Variants in PRKG1 observed in about 807,000 individuals in gnomAD.
PRKG1 encodes the protein protein kinase cGMP-dependent 1, also known as cGMP-dependent protein kinase 1.
In PRKG1, 35 loss-of-function variants were observed where a neutral mutation model predicts 88.1. The ratio of observed to expected loss-of-function variants is 0.40; its 90% CI spans 0.30 to 0.53. The LOEUF (loss-of-function observed/expected upper bound fraction) is 0.53, where lower values mean the gene tolerates loss of function less well. Among genes scored for constraint, PRKG1 ranks in the 20% least tolerant of loss-of-function variants. PRKG1 has a pLI of 0.59. For synonymous variants in PRKG1, 303 were observed against 292.5 expected (o/e 1.04, Z -0.37); for missense variants, 540 against 839.8 (o/e 0.64, Z 4.41).
intron 2 of PRKG1, among the ~76,000 whole-genome samples, chr10:51,307,855 C>T (rs1189050132): frequency 7.9e-5 from 12 of 152,106 alleles, no homozygotes; most frequent in Non-Finnish European, 2.9e-5. Flanking sequence ...TTAATATAGC[C>T]TCAAGGAAAG....
chr10:51,484,400 C>G (rs966348557), intron 3 of PRKG1, among the ~76,000 whole-genome samples: 1 of 151,990 alleles, frequency 6.6e-6, no homozygotes, highest in African/African-American at 2.4e-5. Flanking sequence ...AAATTTTGAT[C>G]TATGTATTTA....
chr10:51,505,551 A>G (rs1474714662), intron 3 of PRKG1, among the ~76,000 whole-genome samples: 1 of 152,170 alleles, frequency 6.6e-6, no homozygotes, highest in Non-Finnish European at 1.5e-5. Flanking sequence ...GAATGGTACC[A>G]GCTCCTGCTT....
chr10:51,691,308 CTTT>C (rs750337206), intron 3 of PRKG1, among the ~76,000 whole-genome samples: 1 of 134,906 alleles, frequency 7.4e-6, no homozygotes, highest in Non-Finnish European at 1.6e-5. Flanking sequence ...TTCTTTTTAT[CTTT>C]TTTTTTTTTT....
At chr10:51,879,114 G>A (rs1211178001) in intron 4 of PRKG1, among the ~76,000 whole-genome samples, 1 of 151,222 alleles carries the variant, frequency 6.6e-6, no homozygotes, top group Non-Finnish European at 1.5e-5. Context: ...GCATCAACAT[G>A]TATTTGCTTG....
At chr10:51,153,057 G>T in intron 1 of PRKG1, 107 bp from the exon 2 acceptor site, 3 of 683,436 alleles carry the variant, frequency 4.4e-6, no homozygotes, top group Non-Finnish European at 4.0e-6. Context: ...TTCCTAACAA[G>T]AAAATACATT....
chr10:51,819,259 CT>C (rs1839681120), intron 4 of PRKG1, among the ~76,000 whole-genome samples: 1 of 150,748 alleles, frequency 6.6e-6, no homozygotes, highest in Admixed American at 6.6e-5. Context: ...CTTTTTTTTT[CT>C]TTTTTAGCAA....
At position 51,741,781 on chromosome 10, in the gene PRKG1, A is replaced by G. The variant is rs544018281; in HGVS notation, c.593-62804A>G. On this transcript the variant is annotated intron_variant, in intron 3 of 17. Transcript: ENST00000373980. The stretch of plus-strand genomic sequence containing the variant: ...TACGGTAAAAAATAAGGTTCTTCGC[A>G]TTTACCTGTAACCCCAGAGTTTTCA... Among the ~76,000 whole-genome samples, 35 of 152,200 alleles carry G rather than the reference A, an allele frequency of 2.3e-4. 1 individual carries two copies. The South Asian group carries it at 6.6e-3, about 29-fold the overall frequency.
At chr10:51,452,925 AT>A (rs1017637965) in intron 2 of PRKG1, among the ~76,000 whole-genome samples, 39 of 151,750 alleles carry the variant, frequency 2.6e-4, no homozygotes, top group East Asian at 1.5e-3. Context: ...TATTTCTACA[AT>A]TTTTTTTGTT....
At chr10:51,866,599 A>G (rs565211379) in intron 4 of PRKG1, among the ~76,000 whole-genome samples, 55 of 152,306 alleles carry the variant, frequency 3.6e-4, no homozygotes, top group Middle Eastern at 3.4e-3. Context: ...CAATTTACCA[A>G]TGGAGAAGTT....
chr10:52,222,689 G>T (rs941460480), intron 9 of PRKG1, among the ~76,000 whole-genome samples: 17 of 152,170 alleles, frequency 1.1e-4, no homozygotes, highest in African/African-American at 4.1e-4. Context: ...GTTTTCCCCT[G>T]GGGGATGTAG....
At chr10:51,195,361 C>T (rs1182838502) in intron 2 of PRKG1, among the ~76,000 whole-genome samples, 1 of 152,134 alleles carries the variant, frequency 6.6e-6, no homozygotes, top group Non-Finnish European at 1.5e-5. Context: ...GTTCAAACGT[C>T]AGTTTTCAAT....
chr10:51,822,815 G>A (rs1373938601), intron 4 of PRKG1, among the ~76,000 whole-genome samples: 2 of 152,156 alleles, frequency 1.3e-5, no homozygotes, highest in Non-Finnish European at 2.9e-5. Context: ...ACAACTTTAA[G>A]ATGTATGTGC....
chr10:51,792,371 A>G (rs1315804273), intron 3 of PRKG1, among the ~76,000 whole-genome samples: 1 of 151,882 alleles, frequency 6.6e-6, no homozygotes, highest in Non-Finnish European at 1.5e-5. Context: ...CCTTTGCCTC[A>G]TGCCAGGGTT....
chr10:51,172,628 G>C (rs769352866), intron 2 of PRKG1, among the ~76,000 whole-genome samples: 8,252 of 67,668 alleles, frequency 0.12, 438 homozygotes, highest in African/African-American at 0.27. Context: ...ATGTATGTAT[G>C]TATGTATGTA....
chr10:52,099,055 G>T (rs2132562283), intron 7 of PRKG1, among the ~76,000 whole-genome samples: 1 of 152,286 alleles, frequency 6.6e-6, no homozygotes, highest in South Asian at 2.1e-4. Context: ...AACAATTTTA[G>T]TAAGGGATGA....
At chr10:51,915,368 T>C (rs6480587) in intron 5 of PRKG1, among the ~76,000 whole-genome samples, 135,982 of 152,314 alleles carry the variant, frequency 0.89, 61,016 homozygotes, top group East Asian at 1. Context: ...TCTTGCCATT[T>C]AAAGCCAAGC....
chr10:51,884,518 T>G (rs1033429197), intron 4 of PRKG1, among the ~76,000 whole-genome samples: 73 of 136,628 alleles, frequency 5.3e-4, no homozygotes, highest in Non-Finnish European at 9.2e-4. Flanking sequence ...GCCACAGAGG[T>G]TGTTTTGTGT....
At chr10:51,023,851 A>G (rs1453987488) in intron 1 of PRKG1, among the ~76,000 whole-genome samples, 1 of 152,216 alleles carries the variant, frequency 6.6e-6, no homozygotes, top group Non-Finnish European at 1.5e-5. Context: ...CATAACACAA[A>G]AACAATGTTC....
chr10:51,996,221 A>T (rs1284132844), intron 5 of PRKG1, among the ~76,000 whole-genome samples: 2 of 148,596 alleles, frequency 1.3e-5, no homozygotes, highest in African/African-American at 4.9e-5. Context: ...AGGCTTTGAC[A>T]GGAGAATCGC....
Sources: gnomAD v4.1 joint callset for allele counts (sites outside exome capture counted in the v4.1 genomes callset) on GRCh38, gnomAD v4.1.1 for gene constraint, MANE v1.5 for transcripts, NCBI Gene and HGNC (gene_info 2026-07-23, HGNC 2026-07-21) for gene names.